The following HNF4G variants were observed in gnomAD, a reference collection of about 807,000 sequenced individuals.
The protein encoded by HNF4G is hepatocyte nuclear factor 4-gamma.
HNF4G carries 21 observed loss-of-function variants against 50.9 expected under a neutral mutation model. That is an observed-to-expected ratio of 0.41 (90% CI 0.29 to 0.59). HNF4G has a LOEUF of 0.59. HNF4G is among the 20% of genes least tolerant of loss of function. The pLI, the probability that HNF4G is intolerant of heterozygous loss-of-function variation, is 0.26. For synonymous variants in HNF4G, 198 were observed against 185.6 expected, an observed-to-expected ratio of 1.07 and a Z score of -0.54; for missense variants, 527 against 559.4, an observed-to-expected ratio of 0.94 and a Z score of 0.58.
chr8:75,416,130 C>G (rs907693695), intron 1 of HNF4G, among the ~76,000 whole-genome samples: 1 of 152,082 alleles, frequency 6.6e-6, no homozygotes, highest in Non-Finnish European at 1.5e-5. Context: ...ATAATGTGAT[C>G]AAGTTCTTTT....
At chr8:75,506,384 C>T (rs1813080827) in intron 2 of HNF4G, among the ~76,000 whole-genome samples, 3 of 152,016 alleles carry the variant, frequency 2.0e-5, no homozygotes, top group Non-Finnish European at 2.9e-5. Flanking sequence ...TTATCTTCCA[C>T]GTTCACTGGC....
chr8:75,449,707 C>T (rs1254150231), intron 1 of HNF4G, among the ~76,000 whole-genome samples: 4 of 151,774 alleles, frequency 2.6e-5, no homozygotes, highest in African/African-American at 4.8e-5. Flanking sequence ...CGGGGTTTCA[C>T]CGTGTTAGCC....
chr8:75,464,596 A>G (rs1476901496), intron 1 of HNF4G, among the ~76,000 whole-genome samples: 1 of 151,956 alleles, frequency 6.6e-6, no homozygotes, highest in Non-Finnish European at 1.5e-5. Flanking sequence ...CCCTCAATTT[A>G]TTTTTTGGAT....
At chr8:75,445,673 A>T (rs1221738130) in intron 1 of HNF4G, among the ~76,000 whole-genome samples, 1 of 126,840 alleles carries the variant, frequency 7.9e-6, no homozygotes, top group Non-Finnish European at 1.6e-5. Flanking sequence ...TAAACTAGAA[A>T]ATCGAGAAGA....
At chr8:75,428,900 G>A (rs1191544676) in intron 1 of HNF4G, among the ~76,000 whole-genome samples, 1 of 152,130 alleles carries the variant, frequency 6.6e-6, no homozygotes, top group Non-Finnish European at 1.5e-5. Flanking sequence ...GGTGAAAAAT[G>A]GATTGGGTGG....
At chr8:75,413,847 A>G (rs1810563703) in intron 1 of HNF4G, among the ~76,000 whole-genome samples, 1 of 150,432 alleles carries the variant, frequency 6.6e-6, no homozygotes, top group Non-Finnish European at 1.5e-5. Flanking sequence ...ACAAAGAGAG[A>G]CTTTGTCTAA....
rs550954963 is a variant in HNF4G at position 75,478,174 on chromosome 8, C to T, written c.-143-11915C>T. Among the ~76,000 whole-genome samples the T allele has an allele frequency of 4.0e-5, 6 of 151,208 alleles. No individual in the cohort carries two copies. In the South Asian group the frequency reaches 1.3e-3, roughly 32 times the overall value. ...AAAAAATTGAAAAAATTAACCAGGGCGTGGTGGCGGGTGCCTGTGATCCCA... is the reference window on the plus strand; with the variant it reads ...AAAAAATTGAAAAAATTAACCAGGGTGTGGTGGCGGGTGCCTGTGATCCCA... On this transcript the variant is annotated intron_variant, in intron 1 of 10. Transcript: ENST00000354370.
intron 1 of HNF4G, among the ~76,000 whole-genome samples, chr8:75,416,256 G>T (rs1253951171): frequency 2.6e-5 from 4 of 151,966 alleles, no homozygotes; most frequent in South Asian, 2.1e-4. Context: ...CTTGCTCAGG[G>T]CTCTGCCCTG....
intron 2 of HNF4G, among the ~76,000 whole-genome samples, chr8:75,505,048 G>C (rs1384019931): frequency 6.6e-6 from 1 of 152,140 alleles, no homozygotes; most frequent in Admixed American, 6.5e-5. Flanking sequence ...ACACTCATGA[G>C]TATCACTGAG....
At chr8:75,511,940 G>A (rs1422584216) in intron 2 of HNF4G, among the ~76,000 whole-genome samples, 1 of 152,070 alleles carries the variant, frequency 6.6e-6, no homozygotes, top group African/African-American at 2.4e-5. Flanking sequence ...TAGTGTTTTT[G>A]TTCCTTTGGT....
At chr8:75,432,343 A>G (rs1811034382) in intron 1 of HNF4G, among the ~76,000 whole-genome samples, 1 of 152,088 alleles carries the variant, frequency 6.6e-6, no homozygotes, top group Non-Finnish European at 1.5e-5. Flanking sequence ...TTGAGAAGGA[A>G]TCTCACTCTG....
At chr8:75,426,775 G>C (rs1311554531) in intron 1 of HNF4G, among the ~76,000 whole-genome samples, 1 of 152,194 alleles carries the variant, frequency 6.6e-6, no homozygotes, top group Non-Finnish European at 1.5e-5. Flanking sequence ...TAGATGCGAA[G>C]AGGTAATGAT....
rs538519593 is a variant in HNF4G, at chr8:75,434,282, A to G, written c.-144+26120A>G. Among the ~76,000 whole-genome samples, 40 of 152,214 alleles carry G rather than the reference A, an allele frequency of 2.6e-4. No individual in the cohort carries two copies. In the East Asian group the frequency reaches 7.3e-3, roughly 28 times the overall value. On this transcript the variant is annotated intron_variant, in intron 1 of 10. Coordinates refer to the HNF4G transcript ENST00000354370. ...CTCCCAAAGTGCTGGGATTACAGGC[A>G]TGAGCCACTGCGTCTGGCCTAAATA...
At chr8:75,545,239 A>ATGTGTGCG (rs1806739083) in intron 2 of HNF4G, among the ~76,000 whole-genome samples, 1 of 145,486 alleles carries the variant, frequency 6.9e-6, no homozygotes, top group Non-Finnish European at 1.5e-5. Flanking sequence ...TTAAAATTGA[A>ATGTGTGCG]TGTGTGTGTG....
At chr8:75,546,380 T>G (rs1806778372) in intron 2 of HNF4G, among the ~76,000 whole-genome samples, 1 of 152,108 alleles carries the variant, frequency 6.6e-6, no homozygotes, top group Non-Finnish European at 1.5e-5. Flanking sequence ...TTTTATGTGT[T>G]TGTTTGTTTG....
At chr8:75,542,453 C>A (rs1399651008) in intron 1 of HNF4G, among the ~76,000 whole-genome samples, 1 of 146,184 alleles carries the variant, frequency 6.8e-6, no homozygotes, top group African/African-American at 2.5e-5. Context: ...CTCAAAGAAA[C>A]GTTTAGGGAG....
intron 1 of HNF4G, among the ~76,000 whole-genome samples, chr8:75,458,080 G>A (rs941058377): frequency 7.9e-5 from 12 of 152,058 alleles, no homozygotes; most frequent in Non-Finnish European, 1.8e-4. Context: ...TTGGATTACA[G>A]AGTGAGCCAC....
chr8:75,475,130 C>T (rs910408278), intron 1 of HNF4G, among the ~76,000 whole-genome samples: 4 of 152,044 alleles, frequency 2.6e-5, no homozygotes, highest in African/African-American at 7.3e-5. Context: ...CTGCCTCAGC[C>T]TCCCGAGTAG....
chr8:75,486,985 G>C (rs568868031), intron 1 of HNF4G, among the ~76,000 whole-genome samples: 33 of 152,176 alleles, frequency 2.2e-4, no homozygotes, highest in Non-Finnish European at 3.8e-4. Flanking sequence ...CAGCATGTGC[G>C]ACAGAGCGAG....
Sources: gnomAD v4.1 joint callset for allele counts (sites outside exome capture counted in the v4.1 genomes callset) on GRCh38, gnomAD v4.1.1 for gene constraint, MANE v1.5 for transcripts, NCBI Gene and HGNC (gene_info 2026-07-23, HGNC 2026-07-21) for gene names.